The following SHC4 variants were observed in gnomAD, a reference collection of about 807,000 sequenced individuals.
SHC4 encodes SHC-transforming protein 4.
In SHC4, 41 loss-of-function variants were observed where a neutral mutation model predicts 69.4. That is an observed-to-expected ratio of 0.59 (90% CI 0.46 to 0.77). The LOEUF (loss-of-function observed/expected upper bound fraction) is 0.77. Among genes scored for constraint, SHC4 ranks in the 30% least tolerant of loss-of-function variants. SHC4 has a pLI of 0.00. For synonymous variants in SHC4, 318 were observed against 299.3 expected, an observed-to-expected ratio of 1.06 and a Z score of -0.64; for missense variants, 777 against 783.8, an observed-to-expected ratio of 0.99 and a Z score of 0.10.
At chr15:48,944,334 C>G (rs1901234775) in intron 1 of SHC4, among the ~76,000 whole-genome samples, 1 of 152,046 alleles carries the variant, frequency 6.6e-6, no homozygotes. Context: ...TCTCAGCTTC[C>G]CTGGAAGCCA....
intron 11 of SHC4, among the ~76,000 whole-genome samples, chr15:48,828,604 T>C (rs1898736670): frequency 6.6e-6 from 1 of 152,184 alleles, no homozygotes; most frequent in African/African-American, 2.4e-5. Context: ...CTGTACAATT[T>C]TACACACCCA....
chr15:48,934,719 G>C (rs1292974828), intron 1 of SHC4, among the ~76,000 whole-genome samples: 1 of 152,100 alleles, frequency 6.6e-6, no homozygotes, highest in Non-Finnish European at 1.5e-5. Context: ...CTGATGAATG[G>C]ACAAATAAAA....
intron 5 of SHC4, 77 bp downstream of exon 5, chr15:48,872,010 TTA>T (rs1899685766): frequency 1.1e-6 from 1 of 889,670 alleles, no homozygotes; most frequent in Non-Finnish European, 1.8e-6. Flanking sequence ...AAAAGTTATT[TTA>T]TTTTATTATC....
At chr15:48,892,171 A>T (rs1900149981) in intron 2 of SHC4, among the ~76,000 whole-genome samples, 1 of 152,112 alleles carries the variant, frequency 6.6e-6, no homozygotes, top group African/African-American at 2.4e-5. Flanking sequence ...ACCCATTTTT[A>T]AAACTACAGC....
rs1901584226 is a variant in SHC4 at position 48,963,611 on chromosome 15, G to T, written c.-596C>A. 6.6e-6 allele frequency among the ~76,000 whole-genome samples: 1 copy of T among 152,188 alleles called. No homozygotes were observed. The highest frequency in any genetic ancestry group is 2.4e-5 in the African/African-American group (1 of 41,434). On this transcript the variant is annotated 5_prime_UTR_variant, in exon 1 of 12. Transcript: ENST00000332408. Reference sequence around the variant, plus strand: ...CCTGGGTTCGTTGATTCCAAAGGCTGCCCTCTCTTGGAAGATCTTGTCTTG... The same window carrying T: ...CCTGGGTTCGTTGATTCCAAAGGCTTCCCTCTCTTGGAAGATCTTGTCTTG...
At chr15:48,896,657 C>G (rs184422814) in intron 2 of SHC4, among the ~76,000 whole-genome samples, 3 of 152,224 alleles carry the variant, frequency 2.0e-5, no homozygotes, top group East Asian at 1.9e-4. Flanking sequence ...AAGGTCCACT[C>G]CTCACCCCAA....
chr15:48,888,222 T>C (rs929955024), intron 3 of SHC4, among the ~76,000 whole-genome samples: 3 of 152,220 alleles, frequency 2.0e-5, no homozygotes, highest in South Asian at 2.1e-4. Flanking sequence ...CCGGTGTCCA[T>C]CTACAGATGA....
At chr15:48,896,996 A>G (rs1002075785) in intron 2 of SHC4, among the ~76,000 whole-genome samples, 1 of 152,234 alleles carries the variant, frequency 6.6e-6, no homozygotes, top group African/African-American at 2.4e-5. Context: ...AACAGAGTTG[A>G]GAGCGATTTC....
rs916816752 is a variant in SHC4, at chr15:48,826,850, C to A, written c.1738-724G>T. 5.9e-5 allele frequency among the ~76,000 whole-genome samples: 9 copies of A among 152,288 alleles called. 1 individual carries two copies. The highest frequency in any genetic ancestry group is 8.8e-5 in the Non-Finnish European group (6 of 68,024). On this transcript the variant is annotated intron_variant, in intron 11 of 11. Coordinates refer to ENST00000332408, the MANE Select transcript of SHC4 (RefSeq NM_203349.4). ...CTCTTTGGAGGCTCAGCATTCCTGT[C>A]TTCTCCAAGAAGCCTCCTCAGACCT...
intron 1 of SHC4, among the ~76,000 whole-genome samples, chr15:48,952,013 G>A (rs981906159): frequency 3.9e-5 from 6 of 152,270 alleles, no homozygotes; most frequent in African/African-American, 1.4e-4. Flanking sequence ...GATGAGCCCT[G>A]TGACCTTGGA....
intron 10 of SHC4, among the ~76,000 whole-genome samples, chr15:48,841,941 TC>T (rs1287291056): frequency 6.6e-5 from 10 of 152,182 alleles, no homozygotes; most frequent in Non-Finnish European, 1.5e-4. Flanking sequence ...TTAAATTTTG[TC>T]TTGCATTGTA....
At chr15:48,955,433 C>G (rs529285484) in intron 1 of SHC4, among the ~76,000 whole-genome samples, 11 of 152,188 alleles carry the variant, frequency 7.2e-5, no homozygotes, top group African/African-American at 2.7e-4. Flanking sequence ...CATATGATAA[C>G]ACCGTATTGG....
chr15:48,956,888 G>A (rs1177928081), intron 1 of SHC4, among the ~76,000 whole-genome samples: 1 of 151,898 alleles, frequency 6.6e-6, no homozygotes, highest in Non-Finnish European at 1.5e-5. Context: ...AGGTAGGAAA[G>A]AAGACCTGGA....
chr15:48,895,372 T>C (rs1261357655), intron 2 of SHC4, among the ~76,000 whole-genome samples: 1 of 151,658 alleles, frequency 6.6e-6, no homozygotes, highest in African/African-American at 2.4e-5. Flanking sequence ...AAGGAGGGAG[T>C]CCTAGGCTCC....
chr15:48,851,424 A>C (rs1417478802), intron 8 of SHC4, among the ~76,000 whole-genome samples, 176 bp from the exon 9 acceptor site: 1 of 152,202 alleles, frequency 6.6e-6, no homozygotes, highest in Non-Finnish European at 1.5e-5. Flanking sequence ...AACACTCTTC[A>C]TAGTTCATCG....
intron 4 of SHC4, among the ~76,000 whole-genome samples, chr15:48,883,684 T>A (rs1343414825): frequency 6.6e-6 from 1 of 152,234 alleles, no homozygotes; most frequent in Non-Finnish European, 1.5e-5. Flanking sequence ...CTTTGAGAAA[T>A]GAGGTTCACA....
At position 48,825,873 on chromosome 15, in the gene SHC4, G is replaced by T. The variant is rs1478990586; in HGVS notation, c.*98C>A. 3 of 1,416,444 alleles carry T rather than the reference G, an allele frequency of 2.1e-6. No homozygotes were observed. The highest frequency in any genetic ancestry group is 2.9e-6 in the Non-Finnish European group (3 of 1,045,744). The allele number at this position is 1,416,444 out of a possible 1,614,324, so 87.7% of individuals were successfully genotyped here. ...CTTGGAAAGATGCACTTCACAGTTT[G>T]TGCTCTATTTTATCTACAAACAAAG... On this transcript the variant is annotated 3_prime_UTR_variant, in exon 12 of 12. Transcript: ENST00000332408.
chr15:48,895,902 T>G (rs574092429), intron 2 of SHC4, among the ~76,000 whole-genome samples: 33 of 152,198 alleles, frequency 2.2e-4, no homozygotes, highest in Non-Finnish European at 3.8e-4. Flanking sequence ...GACAACATGG[T>G]GAGTCCTTGT....
chr15:48,846,151 A>G (rs1899087918), intron 9 of SHC4, among the ~76,000 whole-genome samples: 1 of 152,130 alleles, frequency 6.6e-6, no homozygotes, highest in Non-Finnish European at 1.5e-5. Context: ...GGTGTGAGCT[A>G]CCGGGCCTGG....
Sources: gnomAD v4.1 joint callset for allele counts (sites outside exome capture counted in the v4.1 genomes callset) on GRCh38, gnomAD v4.1.1 for gene constraint, MANE v1.5 for transcripts, NCBI Gene and HGNC (gene_info 2026-07-23, HGNC 2026-07-21) for gene names.